PARD3: variants seen among roughly 807,000 people sequenced by gnomAD.
The protein encoded by PARD3 is partitioning defective 3 homolog.
In PARD3, 75 loss-of-function variants were observed where a neutral mutation model predicts 155.4. That is an observed-to-expected ratio of 0.48 (90% CI 0.40 to 0.58). PARD3 has a LOEUF of 0.58. PARD3 is among the 20% of genes least tolerant of loss of function. The pLI, the probability that PARD3 is intolerant of heterozygous loss-of-function variation, is 0.00. For synonymous variants in PARD3, 576 were observed against 610.5 expected (o/e 0.94, Z 0.83); for missense variants, 1,642 against 1,721.7 (o/e 0.95, Z 0.82).
At chr10:34,494,993 A>C (rs1407181344) in intron 3 of PARD3, among the ~76,000 whole-genome samples, 1 of 152,172 alleles carries the variant, frequency 6.6e-6, no homozygotes, top group Admixed American at 6.5e-5. Context: ...AAACCTCTTC[A>C]AAACTTAGCA....
chr10:34,604,880 T>C (rs1435598280), intron 2 of PARD3, among the ~76,000 whole-genome samples: 1 of 151,890 alleles, frequency 6.6e-6, no homozygotes. Flanking sequence ...CAGATCAATA[T>C]ATAAGTTTAC....
intron 14 of PARD3, among the ~76,000 whole-genome samples, chr10:34,348,967 G>A (rs1443740396): frequency 1.3e-5 from 2 of 149,164 alleles, no homozygotes; most frequent in African/African-American, 5.1e-5. Context: ...AGAAATTCAT[G>A]TTAGTAAGGC....
chr10:34,653,942 G>A (rs901801762), intron 2 of PARD3, among the ~76,000 whole-genome samples: 16 of 152,150 alleles, frequency 1.1e-4, no homozygotes, highest in African/African-American at 3.9e-4. Flanking sequence ...AGGGCTGAAA[G>A]AGAAATGTTT....
chr10:34,764,503 C>T (rs754477077), intron 1 of PARD3, among the ~76,000 whole-genome samples: 76 of 152,242 alleles, frequency 5.0e-4, no homozygotes, highest in Middle Eastern at 3.4e-3. Context: ...TTGAACTAAT[C>T]CAGCAGGTAC....
At chr10:34,169,800 TGAA>T (rs1214188754) in intron 22 of PARD3, among the ~76,000 whole-genome samples, 1 of 152,162 alleles carries the variant, frequency 6.6e-6, no homozygotes, top group African/African-American at 2.4e-5. Context: ...GACAATTGAA[TGAA>T]GGTTCCCTGG....
chr10:34,218,001 A>C (rs1330981244), intron 22 of PARD3, among the ~76,000 whole-genome samples: 2 of 152,134 alleles, frequency 1.3e-5, no homozygotes, highest in Non-Finnish European at 2.9e-5. Context: ...ATCTGGGCTC[A>C]TGTTTGTGAC....
chr10:34,721,653 T>C (rs1487884596), intron 1 of PARD3, among the ~76,000 whole-genome samples: 2 of 152,240 alleles, frequency 1.3e-5, no homozygotes, highest in African/African-American at 4.8e-5. Context: ...ACACAGTTCC[T>C]GTACAGCCAT....
chr10:34,161,132 C>T (rs909024287), intron 22 of PARD3, among the ~76,000 whole-genome samples: 1 of 151,158 alleles, frequency 6.6e-6, no homozygotes, highest in Non-Finnish European at 1.5e-5. Flanking sequence ...GTAGTTCCAG[C>T]TACTTGGGAG....
intron 5 of PARD3, among the ~76,000 whole-genome samples, chr10:34,422,959 T>C (rs950120095): frequency 2.6e-5 from 4 of 152,204 alleles, no homozygotes; most frequent in African/African-American, 7.2e-5. Flanking sequence ...GCAATCAGTA[T>C]GTTGAAGAGA....
chr10:34,226,477 G>C (rs895688923), intron 22 of PARD3, among the ~76,000 whole-genome samples: 11 of 152,338 alleles, frequency 7.2e-5, no homozygotes, highest in African/African-American at 1.4e-4. Flanking sequence ...TTGAATCCAG[G>C]GGGCAGAGGT....
At chr10:34,662,369 G>GAGCT (rs2093346129) in intron 2 of PARD3, among the ~76,000 whole-genome samples, 1 of 152,164 alleles carries the variant, frequency 6.6e-6, no homozygotes, top group Admixed American at 6.5e-5. Flanking sequence ...ACTAAAAATA[G>GAGCT]AGCTATCACA....
chr10:34,297,283 A>G (rs1956953085), intron 20 of PARD3, among the ~76,000 whole-genome samples: 1 of 152,190 alleles, frequency 6.6e-6, no homozygotes, highest in Non-Finnish European at 1.5e-5. Context: ...AGTCTCAGTG[A>G]CAAAGCAAGA....
chr10:34,363,661 C>A (rs1485491481), intron 12 of PARD3, among the ~76,000 whole-genome samples: 2 of 152,140 alleles, frequency 1.3e-5, no homozygotes, highest in African/African-American at 2.4e-5. Flanking sequence ...CTATTCCATC[C>A]AAATTCTGCA....
chr10:34,769,706 G>A (rs905310571), intron 1 of PARD3, among the ~76,000 whole-genome samples: 3 of 151,078 alleles, frequency 2.0e-5, no homozygotes, highest in Admixed American at 6.6e-5. Context: ...TTCAGTGACC[G>A]TGATCATGCC....
At chr10:34,517,460 G>T (rs2081854127) in intron 2 of PARD3, among the ~76,000 whole-genome samples, 1 of 151,838 alleles carries the variant, frequency 6.6e-6, no homozygotes. Context: ...AAAAATATAG[G>T]ATATTTAAAT....
At chr10:34,777,472 G>C (rs1403310509) in intron 1 of PARD3, among the ~76,000 whole-genome samples, 1 of 152,128 alleles carries the variant, frequency 6.6e-6, no homozygotes, top group African/African-American at 2.4e-5. Context: ...CCCCGCACAG[G>C]GGGCTCTTAG....
chr10:34,295,587 GTCT>G (rs1956871796), intron 20 of PARD3, among the ~76,000 whole-genome samples: 1 of 152,180 alleles, frequency 6.6e-6, no homozygotes, highest in African/African-American at 2.4e-5. Context: ...ATTGCCTTCA[GTCT>G]CATTTTCTGA....
chr10:34,645,390 G>C (rs1396067787), intron 2 of PARD3, among the ~76,000 whole-genome samples: 1 of 151,934 alleles, frequency 6.6e-6, no homozygotes, highest in Non-Finnish European at 1.5e-5. Flanking sequence ...ATTATTAGTA[G>C]AGACGGGGTT....
intron 2 of PARD3, among the ~76,000 whole-genome samples, chr10:34,621,182 G>T (rs148443193): frequency 2.6e-4 from 40 of 152,016 alleles, no homozygotes; most frequent in African/African-American, 9.2e-4. Context: ...TTTGTTGTTT[G>T]TTTTTTGTTT....
Sources: allele counts gnomAD v4.1 joint callset (sites outside exome capture counted in the v4.1 genomes callset), GRCh38; gene constraint gnomAD v4.1.1; transcripts MANE v1.5; gene names NCBI Gene and HGNC (gene_info 2026-07-23, HGNC 2026-07-21).